NXPE2: variants seen among roughly 807,000 people sequenced by gnomAD.
The protein encoded by NXPE2 is NXPE family member 2.
In NXPE2, 34 loss-of-function variants were observed where a neutral mutation model predicts 34.4. The ratio of observed to expected loss-of-function variants is 0.99; its 90% CI spans 0.75 to 1.31. The LOEUF (loss-of-function observed/expected upper bound fraction) is 1.31. Ranked by LOEUF, NXPE2 falls within the 40% of genes most tolerant of loss-of-function variation. NXPE2 has a pLI of 0.00. For missense variants in NXPE2, 649 were observed against 672.5 expected (o/e 0.97, Z 0.39); for synonymous variants, 235 against 231.3 (o/e 1.02, Z -0.15).
At chr11:114,485,383 C>CTTTTT in the NXPE2 span, among the ~76,000 whole-genome samples, 191 of 89,212 alleles carry the variant, frequency 2.1e-3, 11 homozygotes, top group African/African-American at 8.2e-3. Flanking sequence ...TAATTTTTGT[C>CTTTTT]TTTTTTTTTT....
At chr11:114,600,271 G>T in the NXPE2 span, among the ~76,000 whole-genome samples, 2 of 152,044 alleles carry the variant, frequency 1.3e-5, no homozygotes, top group African/African-American at 4.8e-5. Flanking sequence ...ACATATCTTG[G>T]TTGGCAATAA....
chr11:114,726,776 C>T, the NXPE2 span, among the ~76,000 whole-genome samples: 1 of 152,054 alleles, frequency 6.6e-6, no homozygotes, highest in South Asian at 2.1e-4. Flanking sequence ...AGAGGTTCTA[C>T]CTCTCATAAA....
the NXPE2 span, among the ~76,000 whole-genome samples, chr11:114,618,814 G>A: frequency 2.6e-5 from 4 of 152,102 alleles, 1 homozygote; most frequent in South Asian, 8.3e-4. Context: ...TTACCCAGTG[G>A]ATAGTAAGTA....
At chr11:114,753,023 C>A in the NXPE2 span, among the ~76,000 whole-genome samples, 356 of 152,236 alleles carry the variant, frequency 2.3e-3, 2 homozygotes, top group African/African-American at 8.2e-3. Flanking sequence ...TGAGAATTTG[C>A]AATGGTGACC....
the NXPE2 span, among the ~76,000 whole-genome samples, chr11:114,466,894 G>A: frequency 1.3e-5 from 2 of 152,276 alleles, 1 homozygote; most frequent in South Asian, 4.1e-4. Flanking sequence ...ATGTGGCCCC[G>A]ATTGCAGAAT....
chr11:114,502,453 C>T, the NXPE2 span, among the ~76,000 whole-genome samples: 6 of 152,144 alleles, frequency 3.9e-5, no homozygotes, highest in Admixed American at 3.9e-4. Context: ...TTTCTGTCTT[C>T]ATCTTTGTCT....
the NXPE2 span, among the ~76,000 whole-genome samples, chr11:114,494,294 CT>C: frequency 1.3e-5 from 2 of 152,130 alleles, no homozygotes; most frequent in Non-Finnish European, 2.9e-5. Context: ...CTTTCTACCC[CT>C]ATCTCGTTAT....
At chr11:114,495,444 C>G in the NXPE2 span, among the ~76,000 whole-genome samples, 1 of 151,766 alleles carries the variant, frequency 6.6e-6, no homozygotes, top group South Asian at 2.1e-4. Flanking sequence ...ACTCTTTCCT[C>G]AAGCAGAAGG....
At chr11:114,526,395 C>G in the NXPE2 span, 1 of 148,798 alleles carries the variant, frequency 6.7e-6, no homozygotes, top group Non-Finnish European at 1.5e-5. Context: ...GTATTTTTTC[C>G]TTCTATTTAT....
At chr11:114,586,711 C>G in the NXPE2 span, among the ~76,000 whole-genome samples, 1 of 152,164 alleles carries the variant, frequency 6.6e-6, no homozygotes, top group African/African-American at 2.4e-5. Context: ...TGGACTAATT[C>G]CAGCCTCCAA....
chr11:114,503,593 T>G, the NXPE2 span, among the ~76,000 whole-genome samples: 1 of 152,004 alleles, frequency 6.6e-6, no homozygotes, highest in African/African-American at 2.4e-5. Context: ...AAGATAATTT[T>G]GCAGAAAATA....
the NXPE2 span, chr11:114,571,161 A>C: frequency 6.2e-7 from 1 of 1,614,004 alleles, no homozygotes; most frequent in South Asian, 1.1e-5. Context: ...TGTTTTGATG[A>C]TAACCATAGT....
chr11:114,714,273 T>C, the NXPE2 span, among the ~76,000 whole-genome samples: 29 of 152,356 alleles, frequency 1.9e-4, no homozygotes, highest in East Asian at 5.4e-3. Context: ...TTTACTTTAT[T>C]GACAAAACTC....
the NXPE2 span, among the ~76,000 whole-genome samples, chr11:114,501,390 G>T: frequency 2.0e-5 from 3 of 152,096 alleles, no homozygotes; most frequent in Non-Finnish European, 2.9e-5. Flanking sequence ...TTATTTCAGT[G>T]TACAGAATCA....
the NXPE2 span, chr11:114,571,117 T>C: frequency 1.2e-5 from 20 of 1,613,926 alleles, no homozygotes; most frequent in African/African-American, 2.0e-4. Context: ...TCACTAAATC[T>C]TTCTGCATCA....
the NXPE2 span, chr11:114,527,916 T>C: frequency 2.9e-6 from 4 of 1,381,968 alleles, no homozygotes; most frequent in Middle Eastern, 1.8e-4. Flanking sequence ...AAAAAAAAAA[T>C]AGAACAATAA....
In NXPE2 at chr11:114,687,339, A is replaced by G. The variant is rs189998385; in HGVS notation, c.132+7577A>G. Reference sequence around the variant, plus strand: ...TTTATTCTTCTGCATATGGTTAACCAGTTTTCCCAGCCCCATTTATTGAAT... The same window carrying G: ...TTTATTCTTCTGCATATGGTTAACCGGTTTTCCCAGCCCCATTTATTGAAT... On this transcript the variant is annotated intron_variant, in intron 2 of 5. Coordinates refer to ENST00000389586, the MANE Select transcript of NXPE2 (RefSeq NM_182495.6). Among the ~76,000 whole-genome samples, 4 of 152,198 alleles carry G rather than the reference A, an allele frequency of 2.6e-5. No individual in the cohort carries two copies. In the East Asian group the frequency reaches 7.7e-4, roughly 29 times the overall value.
At chr11:114,584,679 G>A in the NXPE2 span, 1 of 155,592 alleles carries the variant, frequency 6.4e-6, no homozygotes, top group Non-Finnish European at 1.4e-5. Context: ...AGGTCAAGGA[G>A]CAGGTCAAGC....
At chr11:114,563,701 C>A in the NXPE2 span, among the ~76,000 whole-genome samples, 1 of 152,060 alleles carries the variant, frequency 6.6e-6, no homozygotes, top group Non-Finnish European at 1.5e-5. Context: ...TTAGGAATGG[C>A]CAACAAACAT....
Sources: gnomAD v4.1 joint callset for allele counts (sites outside exome capture counted in the v4.1 genomes callset) on GRCh38, gnomAD v4.1.1 for gene constraint, MANE v1.5 for transcripts, NCBI Gene and HGNC (gene_info 2026-07-23, HGNC 2026-07-21) for gene names.